The following NCOA2 variants were observed in gnomAD, a reference collection of about 807,000 sequenced individuals.
NCOA2 encodes the protein class E basic helix-loop-helix protein 75.
NCOA2 carries 21 observed loss-of-function variants against 145.1 expected under a neutral mutation model. The observed-to-expected ratio is 0.14, with a 90% CI of 0.10 to 0.21. The LOEUF (loss-of-function observed/expected upper bound fraction) is 0.21, where lower values mean the gene tolerates loss of function less well. NCOA2 is among the 10% of genes least tolerant of loss of function. NCOA2 has a pLI of 1.00. For synonymous variants in NCOA2, 619 were observed against 637.5 expected (o/e 0.97, Z 0.44); for missense variants, 1,472 against 1,837.6 (o/e 0.80, Z 3.64).
chr8:70,379,299 A>G (rs1341448842), intron 1 of NCOA2, among the ~76,000 whole-genome samples: 2 of 152,170 alleles, frequency 1.3e-5, no homozygotes, highest in African/African-American at 4.8e-5. Flanking sequence ...ACTTCAATTC[A>G]TTTATTTTGA....
the NCOA2 span, among the ~76,000 whole-genome samples, chr8:70,422,511 A>T: frequency 2.0e-5 from 3 of 151,792 alleles, no homozygotes; most frequent in Admixed American, 1.3e-4. Context: ...CCCAGGGTCG[A>T]GCGATCCTCC....
At chr8:70,243,112 A>G (rs1274893124) in intron 2 of NCOA2, among the ~76,000 whole-genome samples, 1 of 152,150 alleles carries the variant, frequency 6.6e-6, no homozygotes, top group Non-Finnish European at 1.5e-5. Flanking sequence ...TAATCTGTTT[A>G]TGAAAATACT....
chr8:70,193,472 T>C (rs1323255429), intron 4 of NCOA2, among the ~76,000 whole-genome samples: 2 of 152,204 alleles, frequency 1.3e-5, no homozygotes, highest in African/African-American at 4.8e-5. Flanking sequence ...TTCCATATTA[T>C]CTAAGAGACA....
chr8:70,325,442 T>A (rs1417491501), intron 1 of NCOA2, among the ~76,000 whole-genome samples: 1 of 152,124 alleles, frequency 6.6e-6, no homozygotes, highest in Non-Finnish European at 1.5e-5. Flanking sequence ...AACATCTTTT[T>A]TTTTTTTTAA....
the NCOA2 span, among the ~76,000 whole-genome samples, chr8:70,423,180 T>G: frequency 1.3e-5 from 2 of 152,086 alleles, no homozygotes; most frequent in Non-Finnish European, 2.9e-5. Flanking sequence ...TGTGGTTTTT[T>G]GTTTTGTTTT....
intron 1 of NCOA2, among the ~76,000 whole-genome samples, chr8:70,300,594 T>C (rs539028057): frequency 2.0e-4 from 31 of 152,280 alleles, no homozygotes; most frequent in African/African-American, 7.0e-4. Context: ...ATTAGAACTG[T>C]GTAGGTTAAT....
At chr8:70,120,858 A>G (rs1443911232) in intron 22 of NCOA2, among the ~76,000 whole-genome samples, 3 of 152,256 alleles carry the variant, frequency 2.0e-5, no homozygotes, top group Non-Finnish European at 4.4e-5. Context: ...ACCCTTAAGA[A>G]GACTTAATTA....
chr8:70,281,589 C>G (rs914833635), intron 2 of NCOA2, among the ~76,000 whole-genome samples: 1 of 152,068 alleles, frequency 6.6e-6, no homozygotes, highest in Non-Finnish European at 1.5e-5. Flanking sequence ...TCATCACCCC[C>G]CACCTCTTTG....
intron 1 of NCOA2, among the ~76,000 whole-genome samples, chr8:70,325,599 C>T (rs759571366): frequency 6.6e-6 from 1 of 152,004 alleles, no homozygotes; most frequent in Admixed American, 6.6e-5. Context: ...GATGGGATTT[C>T]GCCGTGTCAC....
intron 1 of NCOA2, among the ~76,000 whole-genome samples, chr8:70,367,752 A>G (rs781747478): frequency 6.6e-6 from 1 of 152,226 alleles, no homozygotes; most frequent in Non-Finnish European, 1.5e-5. Context: ...ACCACCACAA[A>G]GACCCTACTA....
At chr8:70,318,808 G>T (rs1052270773) in intron 1 of NCOA2, among the ~76,000 whole-genome samples, 1 of 152,082 alleles carries the variant, frequency 6.6e-6, no homozygotes, top group Non-Finnish European at 1.5e-5. Context: ...GGCCCATCAG[G>T]GCAGGACTAC....
chr8:70,264,619 G>A (rs994161534), intron 2 of NCOA2, among the ~76,000 whole-genome samples: 2 of 152,112 alleles, frequency 1.3e-5, no homozygotes, highest in Non-Finnish European at 2.9e-5. Context: ...ACCCAGTCTA[G>A]GGATATTACC....
rs11777907 is a variant in NCOA2, at chr8:70,248,802, G to A, written c.-19-32038C>T. On this transcript the variant is annotated intron_variant, in intron 2 of 22. Transcript: ENST00000452400. ...AGTACAGACAAAATTTTTTTCTCCC[G>A]AGTATTTTCTGAGGTTGGCCGAATC... Among the ~76,000 whole-genome samples the A allele has an allele frequency of 5.3e-5, 8 of 150,780 alleles. No homozygotes were observed. In the East Asian group the frequency reaches 7.8e-4, roughly 15 times the overall value.
intron 4 of NCOA2, among the ~76,000 whole-genome samples, chr8:70,194,676 C>CTTTTT (rs199803538): frequency 9.1e-6 from 1 of 109,906 alleles, no homozygotes. Context: ...CTTTTATCTT[C>CTTTTT]TTTTTTTTTT....
Position 70,125,406 on chromosome 8 carries a change from C to G in NCOA2, c.3917-541G>C, listed in dbSNP as rs1354295251. ...CTTCCTGAGTAGCTGGGACTACAGG[C>G]ATGCACGACCATGCCCAGCTAATTT... On this transcript the variant is annotated intron_variant, in intron 19 of 22. Coordinates refer to ENST00000452400, the MANE Select transcript of NCOA2 (RefSeq NM_006540.4). 2.0e-5 allele frequency among the ~76,000 whole-genome samples: 3 copies of G among 152,122 alleles called. No individual in the cohort carries two copies. In the East Asian group the frequency reaches 5.8e-4, roughly 29 times the overall value.
chr8:70,212,446 T>C (rs1366034547), intron 4 of NCOA2, among the ~76,000 whole-genome samples: 1 of 152,080 alleles, frequency 6.6e-6, no homozygotes, highest in African/African-American at 2.4e-5. Context: ...CACTGGATGT[T>C]AAAGGTCATG....
intron 15 of NCOA2, among the ~76,000 whole-genome samples, chr8:70,134,345 A>AGAGT (rs1563500700): frequency 6.6e-6 from 1 of 152,252 alleles, no homozygotes; most frequent in Non-Finnish European, 1.5e-5. Flanking sequence ...GTTCCATGAA[A>AGAGT]GAGTTCAAGT....
intron 1 of NCOA2, among the ~76,000 whole-genome samples, chr8:70,330,696 G>A (rs996750492): frequency 1.4e-4 from 21 of 152,082 alleles, no homozygotes; most frequent in African/African-American, 5.1e-4. Flanking sequence ...TTATGTCATA[G>A]TACAAAAGCA....
chr8:70,203,552 C>A (rs79511234), intron 4 of NCOA2, among the ~76,000 whole-genome samples: 1 of 151,320 alleles, frequency 6.6e-6, no homozygotes, highest in East Asian at 1.9e-4. Flanking sequence ...TGAATCAAAC[C>A]TGGGCAACAT....
Sources: allele counts gnomAD v4.1 joint callset (sites outside exome capture counted in the v4.1 genomes callset), GRCh38; gene constraint gnomAD v4.1.1; transcripts MANE v1.5; gene names NCBI Gene and HGNC (gene_info 2026-07-23, HGNC 2026-07-21).